The following SBF2 variants were observed in gnomAD, a reference collection of about 807,000 sequenced individuals.
The protein encoded by SBF2 is myotubularin-related protein 13.
In SBF2, 112 loss-of-function variants were observed where a neutral mutation model predicts 225.2. That is an observed-to-expected ratio of 0.50 (90% CI 0.43 to 0.58). The LOEUF (loss-of-function observed/expected upper bound fraction) is 0.58. Among genes scored for constraint, SBF2 ranks in the 20% least tolerant of loss-of-function variants. The pLI is 0.00. For missense variants in SBF2, 1,996 were observed against 2,206.2 expected, an observed-to-expected ratio of 0.90 and a Z score of 1.91; for synonymous variants, 763 against 773.3, an observed-to-expected ratio of 0.99 and a Z score of 0.22.
At chr11:9,966,297 C>G (rs994189977) in intron 14 of SBF2, among the ~76,000 whole-genome samples, 3 of 152,082 alleles carry the variant, frequency 2.0e-5, no homozygotes, top group Non-Finnish European at 2.9e-5. Flanking sequence ...ACCGTGTTGG[C>G]CAGGCTGGTC....
At chr11:10,133,629 G>A (rs560160284) in intron 2 of SBF2, among the ~76,000 whole-genome samples, 570 of 147,500 alleles carry the variant, frequency 3.9e-3, no homozygotes, top group Non-Finnish European at 6.6e-3. Flanking sequence ...ACGCCCACCC[G>A]GAACTCCAGC....
At chr11:9,941,337 A>T (rs1043174113) in intron 16 of SBF2, among the ~76,000 whole-genome samples, 5 of 152,142 alleles carry the variant, frequency 3.3e-5, no homozygotes, top group African/African-American at 1.2e-4. Context: ...TAAAAATAAA[A>T]AAAAAAAAAT....
At chr11:9,816,604 T>C (rs1251746438) in intron 29 of SBF2, among the ~76,000 whole-genome samples, 1 of 152,114 alleles carries the variant, frequency 6.6e-6, no homozygotes, top group East Asian at 1.9e-4. Flanking sequence ...TTTACTATTA[T>C]GAATAAATAT....
chr11:10,281,078 A>C (rs1963377079), intron 1 of SBF2, among the ~76,000 whole-genome samples: 1 of 152,216 alleles, frequency 6.6e-6, no homozygotes. Flanking sequence ...ACCCACATGA[A>C]GCAATAAACT....
At chr11:10,031,226 T>G (rs1435889011) in intron 3 of SBF2, 56 bp from the exon 4 acceptor site, 4 of 1,551,336 alleles carry the variant, frequency 2.6e-6, no homozygotes, top group Non-Finnish European at 3.5e-6. Flanking sequence ...GGTTCATAAT[T>G]CACAAAAGAT....
chr11:10,130,459 C>G (rs1270753550), intron 2 of SBF2, among the ~76,000 whole-genome samples: 1 of 151,920 alleles, frequency 6.6e-6, no homozygotes, highest in Non-Finnish European at 1.5e-5. Context: ...AGAAATTCAT[C>G]AAGTTACAAG....
At chr11:10,095,366 G>A (rs1180382155) in intron 2 of SBF2, among the ~76,000 whole-genome samples, 1 of 152,136 alleles carries the variant, frequency 6.6e-6, no homozygotes, top group Non-Finnish European at 1.5e-5. Context: ...TAAGACCAGA[G>A]GGCTAAACAT....
Position 10,227,974 on chromosome 11 carries a change from G to A in SBF2, c.56-33987C>T, listed in dbSNP as rs542747879. Among the ~76,000 whole-genome samples, 997 of 151,366 alleles carry A rather than the reference G, an allele frequency of 6.6e-3. 10 individuals carry two copies. Among genetic ancestry groups the A allele is most frequent in the African/African-American group, 0.023 (942 of 41,222 alleles). ...ATGAGCATGGAATGTTCTTCCATTT[G>A]TTTGTATCCTCTTTTATTTCCTTGA... is the stretch of plus-strand genomic sequence containing the variant. On this transcript the variant is annotated intron_variant, in intron 1 of 39. Transcript: ENST00000256190.
chr11:10,218,818 A>G (rs574696118), intron 1 of SBF2, among the ~76,000 whole-genome samples: 1 of 152,326 alleles, frequency 6.6e-6, no homozygotes, highest in Non-Finnish European at 1.5e-5. Context: ...AATTTCCAAA[A>G]TGATCCCCTT....
At chr11:10,006,581 T>C (rs1948200025) in intron 6 of SBF2, among the ~76,000 whole-genome samples, 1 of 152,152 alleles carries the variant, frequency 6.6e-6, no homozygotes, top group Non-Finnish European at 1.5e-5. Context: ...CATTTGTGAG[T>C]TCCTACATCA....
At chr11:10,052,256 C>A (rs1010958992) in intron 2 of SBF2, among the ~76,000 whole-genome samples, 1 of 151,964 alleles carries the variant, frequency 6.6e-6, no homozygotes, top group Non-Finnish European at 1.5e-5. Flanking sequence ...TTTCAAGTCA[C>A]TGAGAAAACA....
At position 9,954,746 on chromosome 11, in the gene SBF2, T is replaced by C. The variant is rs542131308; in HGVS notation, c.1860+7211A>G. Among the ~76,000 whole-genome samples the C allele has an allele frequency of 9.2e-5, 14 of 152,254 alleles. No individual in the cohort carries two copies. The South Asian group carries it at 2.9e-3, about 32-fold the overall frequency. On this transcript the variant is annotated intron_variant, in intron 16 of 39. Coordinates refer to ENST00000256190, the MANE Select transcript of SBF2 (RefSeq NM_030962.4). ...GTTTCTAGAAATATGATTATTCAAATGAAAAATATTTGTAGCCTAAGGGTA... is the reference window on the plus strand; with the variant it reads ...GTTTCTAGAAATATGATTATTCAAACGAAAAATATTTGTAGCCTAAGGGTA...
intron 16 of SBF2, among the ~76,000 whole-genome samples, chr11:9,897,739 C>G (rs981790454): frequency 1.3e-5 from 2 of 152,182 alleles, no homozygotes; most frequent in Non-Finnish European, 2.9e-5. Context: ...ATTTTAAACT[C>G]ATAGAGCTGG....
intron 2 of SBF2, among the ~76,000 whole-genome samples, 180 bp from the exon 3 acceptor site, chr11:10,043,161 A>G (rs1408290039): frequency 6.6e-6 from 1 of 152,220 alleles, no homozygotes; most frequent in Admixed American, 6.5e-5. Context: ...ACTTTCACCA[A>G]TGTGCATATA....
chr11:9,827,133 C>T (rs527532485), intron 28 of SBF2, among the ~76,000 whole-genome samples: 1 of 152,218 alleles, frequency 6.6e-6, no homozygotes, highest in East Asian at 1.9e-4. Context: ...CCACCGTGCC[C>T]GGCCTACTTA....
intron 1 of SBF2, among the ~76,000 whole-genome samples, chr11:10,234,811 A>C (rs1419913549): frequency 6.6e-6 from 1 of 152,218 alleles, no homozygotes; most frequent in Non-Finnish European, 1.5e-5. Flanking sequence ...GAAAGAACAA[A>C]GGGAACAAGC....
intron 2 of SBF2, among the ~76,000 whole-genome samples, chr11:10,066,326 A>G (rs1423300286): frequency 6.6e-6 from 1 of 150,572 alleles, no homozygotes; most frequent in East Asian, 1.9e-4. Context: ...AAATATCTAT[A>G]TATCTATATA....
intron 17 of SBF2, among the ~76,000 whole-genome samples, chr11:9,890,151 T>A (rs1860676612): frequency 6.6e-6 from 1 of 152,200 alleles, no homozygotes; most frequent in Admixed American, 6.5e-5. Flanking sequence ...GTGATCCAAC[T>A]GCCTCGGCCT....
chr11:10,247,150 G>A (rs542055597), intron 1 of SBF2, among the ~76,000 whole-genome samples: 1 of 152,240 alleles, frequency 6.6e-6, no homozygotes, highest in African/African-American at 2.4e-5. Context: ...TGGGTGGAAT[G>A]TAACACTTTC....
Sources: allele counts gnomAD v4.1 joint callset (sites outside exome capture counted in the v4.1 genomes callset), GRCh38; gene constraint gnomAD v4.1.1; transcripts MANE v1.5; gene names NCBI Gene and HGNC (gene_info 2026-07-23, HGNC 2026-07-21).